VWA2: variants seen among roughly 807,000 people sequenced by gnomAD.
VWA2 encodes von Willebrand factor A domain-containing protein 2.
A neutral mutation model predicts 70.4 loss-of-function variants in VWA2; 73 were observed. That is an observed-to-expected ratio of 1.04 (90% confidence interval 0.86 to 1.26). The LOEUF (loss-of-function observed/expected upper bound fraction) is 1.26, where lower values mean the gene tolerates loss of function less well. VWA2 is among the 50% of genes most tolerant of loss of function. VWA2 has a pLI of 0.00. For missense variants in VWA2, 1,011 were observed against 998.5 expected (o/e 1.01, Z -0.17); for synonymous variants, 407 against 423.3 (o/e 0.96, Z 0.47).
chr10:114,287,068 C>T (rs1205527842), intron 11 of VWA2, among the ~76,000 whole-genome samples: 1 of 152,246 alleles, frequency 6.6e-6, no homozygotes, highest in African/African-American at 2.4e-5. Context: ...CTCTTCTGTT[C>T]TGTTTTGCAA....
chr10:114,289,070 C>G lies in VWA2; in HGVS notation c.1703C>G (p.Thr568Arg). 2 of 1,614,172 alleles carry G rather than the reference C, an allele frequency of 1.2e-6. No homozygotes were observed. The highest frequency in any genetic ancestry group is 1.7e-6 in the Non-Finnish European group (2 of 1,180,038). The change falls in exon 12 of 14, where the codon ACA becomes AGA. Residue 568 changes from threonine to arginine, a missense_variant. Transcript: ENST00000392982. ...CAGTTTGAGGTGAACCCTGACGTGA[C>G]ACAGGTCGGCCTGGTGGTGTATGGC... ...ALQFEVNPDV[T>R]QVGLVVYGSQ...
At position 114,248,755 on chromosome 10, in the gene VWA2, G is replaced by A. The variant is rs753536201; in HGVS notation, c.42G>A (p.Leu14=). 1 of 1,613,656 alleles carries A rather than the reference G, an allele frequency of 6.2e-7. No individual in the cohort carries two copies. Among genetic ancestry groups the A allele is most frequent in the South Asian group, 1.1e-5 (1 of 91,074 alleles). The stretch of plus-strand genomic sequence containing the variant: ...TGCTGGAAGCCGTCTGTGTTTTCCT[G>A]TTTTCCAGAGGTAAGATGTGTTTAT... ...FLLLEAVCVF[L]FSRVPPSLPL... The change falls in exon 2 of 14, where the codon CTG becomes CTA. Residue 14 remains leucine, a synonymous_variant. Transcript: ENST00000392982.
intron 13 of VWA2, among the ~76,000 whole-genome samples, chr10:114,290,786 TCTTTTTGGGGTG>T (rs2039513787): frequency 6.6e-6 from 1 of 152,060 alleles, no homozygotes; most frequent in Non-Finnish European, 1.5e-5. Context: ...TGCTGGAAGC[TCTTTTTGGGGTG>T]CTATTTGCTC....
At chr10:114,254,231 C>G (rs2037270925) in intron 3 of VWA2, among the ~76,000 whole-genome samples, 1 of 151,860 alleles carries the variant, frequency 6.6e-6, no homozygotes, top group African/African-American at 2.4e-5. Context: ...ATCACCACGC[C>G]TAGCTAGTTT....
chr10:114,255,174 G>T, intron 4 of VWA2, 126 bp downstream of exon 4: 1 of 1,220,376 alleles, frequency 8.2e-7, no homozygotes, highest in Non-Finnish European at 1.2e-6. Context: ...GCTGAATCCT[G>T]GTTCCTGGCA....
chr10:114,247,800 A>G (rs2037104980), intron 1 of VWA2, among the ~76,000 whole-genome samples: 1 of 152,080 alleles, frequency 6.6e-6, no homozygotes, highest in African/African-American at 2.4e-5. Context: ...TTCACTTTGT[A>G]AGGGAGGAAC....
intron 4 of VWA2, among the ~76,000 whole-genome samples, chr10:114,255,969 T>A (rs773954746): frequency 6.6e-6 from 1 of 152,202 alleles, no homozygotes; most frequent in Admixed American, 6.5e-5. Context: ...ACATGCTTCA[T>A]TGGCAAATCT....
chr10:114,248,797 C>T, intron 2 of VWA2, 32 bp downstream of exon 2: 1 of 1,603,440 alleles, frequency 6.2e-7, no homozygotes. Context: ...TGGGGAAGTA[C>T]TGGCGTGTTG....
At chr10:114,256,327 G>A (rs1052238352) in intron 4 of VWA2, among the ~76,000 whole-genome samples, 7 of 152,222 alleles carry the variant, frequency 4.6e-5, no homozygotes, top group Non-Finnish European at 8.8e-5. Flanking sequence ...ACCAGAACAA[G>A]TGAAGTGTCA....
At chr10:114,268,408 C>T (rs1338955145) in intron 5 of VWA2, among the ~76,000 whole-genome samples, 1 of 152,074 alleles carries the variant, frequency 6.6e-6, no homozygotes, top group African/African-American at 2.4e-5. Flanking sequence ...GTCCTGCCTT[C>T]GCCACTCATG....
chr10:114,263,328 A>ATTTTTTTTTTT (rs35723083), intron 5 of VWA2, among the ~76,000 whole-genome samples: 3 of 76,144 alleles, frequency 3.9e-5, no homozygotes, highest in African/African-American at 5.5e-5. Flanking sequence ...AATCTCCCCC[A>ATTTTTTTTTTT]TTTTTTTTTT....
chr10:114,287,261 G>T (rs561260682), intron 11 of VWA2, among the ~76,000 whole-genome samples: 9 of 152,256 alleles, frequency 5.9e-5, no homozygotes, highest in African/African-American at 2.2e-4. Flanking sequence ...GCTCACTGCA[G>T]CCTTGAACTC....
rs144635310 is a variant in VWA2, at chr10:114,262,356, A to G, written c.371+1061A>G. 6.0e-3 allele frequency among the ~76,000 whole-genome samples: 903 copies of G among 151,314 alleles called. 11 individuals are homozygous for G. Among genetic ancestry groups the G allele is most frequent in the African/African-American group, 0.021 (852 of 41,298 alleles). On this transcript the variant is annotated intron_variant, in intron 5 of 13. Coordinates refer to ENST00000392982, the MANE Select transcript of VWA2 (RefSeq NM_001272046.2). The stretch of plus-strand genomic sequence containing the variant: ...ATGAATGTGATATGTAAATATATGC[A>G]TATATACATATGCACATATTGACAC...
At chr10:114,239,968 G>T (rs113086674) in intron 1 of VWA2, among the ~76,000 whole-genome samples, 1 of 152,272 alleles carries the variant, frequency 6.6e-6, no homozygotes, top group South Asian at 2.1e-4. Flanking sequence ...CTTCCCTGGC[G>T]GCCGCGGAAA....
chr10:114,278,622 C>T (rs545978859), intron 7 of VWA2, 97 bp from the exon 8 acceptor site: 15 of 1,552,818 alleles, frequency 9.7e-6, no homozygotes, highest in African/African-American at 1.3e-5. Context: ...GTGGTGGAAC[C>T]TCCCAGGAGC....
chr10:114,278,860 G>A lies in VWA2; in HGVS notation c.833+9G>A. Reference sequence around the variant, plus strand: ...CACTGTCCCTTCTACAGGTTTGTCTGCGCGGTCTGGGCTCGGCCTGGGTGG... The same window carrying A: ...CACTGTCCCTTCTACAGGTTTGTCTACGCGGTCTGGGCTCGGCCTGGGTGG... On this transcript the variant is annotated intron_variant, in intron 8 of 13. Coordinates refer to ENST00000392982, the MANE Select transcript of VWA2 (RefSeq NM_001272046.2). 1 of 1,612,470 alleles carries A rather than the reference G, an allele frequency of 6.2e-7. No homozygotes were observed. Among genetic ancestry groups the A allele is most frequent in the South Asian group, 1.1e-5 (1 of 91,012 alleles).
intron 5 of VWA2, among the ~76,000 whole-genome samples, chr10:114,270,871 G>A (rs1013713663): frequency 1.3e-5 from 2 of 152,080 alleles, no homozygotes; most frequent in Non-Finnish European, 1.5e-5. Flanking sequence ...GCCAAGCTCT[G>A]CTCGCTAGCT....
At chr10:114,258,084 T>C (rs947592766) in intron 4 of VWA2, among the ~76,000 whole-genome samples, 17 of 152,330 alleles carry the variant, frequency 1.1e-4, no homozygotes, top group African/African-American at 3.6e-4. Flanking sequence ...AGTGAATTAG[T>C]GTCTTGACCT....
chr10:114,266,140 A>G (rs973403311), intron 5 of VWA2, among the ~76,000 whole-genome samples: 1 of 152,050 alleles, frequency 6.6e-6, no homozygotes, highest in Admixed American at 6.6e-5. Flanking sequence ...TACTAAAAAT[A>G]CAAAAAATTA....
Sources: gnomAD v4.1 joint callset for allele counts (sites outside exome capture counted in the v4.1 genomes callset) on GRCh38, gnomAD v4.1.1 for gene constraint, MANE v1.5 for transcripts, NCBI Gene and HGNC (gene_info 2026-07-23, HGNC 2026-07-21) for gene names.